Variants in TRAPPC9 observed in about 807,000 individuals in gnomAD.
The protein encoded by TRAPPC9 is trafficking protein particle complex subunit 9.
In TRAPPC9, 83 loss-of-function variants were observed where a neutral mutation model predicts 124.0. The observed-to-expected ratio is 0.67, with a 90% CI of 0.56 to 0.80. The LOEUF is 0.80. Ranked by LOEUF, TRAPPC9 falls within the 30% of genes least tolerant of loss-of-function variation. TRAPPC9 has a pLI of 0.00. For missense variants in TRAPPC9, 1,302 were observed against 1,508.3 expected (o/e 0.86, Z 2.27); for synonymous variants, 638 against 617.5 (o/e 1.03, Z -0.49).
At chr8:139,774,676 C>G (rs527655945) in intron 21 of TRAPPC9, among the ~76,000 whole-genome samples, 1 of 152,320 alleles carries the variant, frequency 6.6e-6, no homozygotes, top group South Asian at 2.1e-4. Context: ...CAACATTTCC[C>G]GGAGGAACGA....
chr8:139,946,537 G>A (rs1489373946), intron 19 of TRAPPC9, among the ~76,000 whole-genome samples: 1 of 152,156 alleles, frequency 6.6e-6, no homozygotes, highest in Non-Finnish European at 1.5e-5. Context: ...AATGCTTATA[G>A]AGGAAAAGAA....
intron 19 of TRAPPC9, among the ~76,000 whole-genome samples, chr8:139,982,949 C>T (rs1837009341): frequency 1.3e-5 from 2 of 152,200 alleles, no homozygotes; most frequent in Non-Finnish European, 2.9e-5. Context: ...TGGCCCTGGC[C>T]ACCTCCTGCT....
intron 17 of TRAPPC9, among the ~76,000 whole-genome samples, chr8:140,071,731 T>C (rs1448518155): frequency 6.6e-6 from 1 of 152,142 alleles, no homozygotes; most frequent in East Asian, 1.9e-4. Context: ...TTTCTCTCAA[T>C]GGGCCTCTCT....
intron 1 of TRAPPC9, among the ~76,000 whole-genome samples, chr8:140,456,363 G>A (rs185275843): frequency 6.7e-6 from 1 of 149,484 alleles, no homozygotes; most frequent in Non-Finnish European, 1.5e-5. Context: ...AGTGAGCCAA[G>A]ATCGTGCCAT....
rs149340551 is a variant in TRAPPC9, at chr8:140,311,707, A to AC, written c.1496-334dup. Among the ~76,000 whole-genome samples, 1,013 of 152,308 alleles carry AC rather than the reference A, an allele frequency of 6.7e-3. 2 individuals carry two copies. The highest frequency in any genetic ancestry group is 0.012 in the Non-Finnish European group (783 of 68,024). On this transcript the variant is annotated intron_variant, in intron 9 of 22. Transcript: ENST00000438773. The stretch of plus-strand genomic sequence containing the variant: ...GAGAATCAGTATATTTTATAACTTA[A>AC]CCATACTTTTTCAGCAATTACTAGG...
chr8:140,003,953 T>C (rs551684793), intron 18 of TRAPPC9, among the ~76,000 whole-genome samples: 92 of 152,342 alleles, frequency 6.0e-4, no homozygotes, highest in African/African-American at 2.2e-3. Flanking sequence ...CTAAATGTCC[T>C]TTAAACAGTG....
chr8:139,892,289 C>T (rs894734410), intron 20 of TRAPPC9, among the ~76,000 whole-genome samples: 2 of 152,176 alleles, frequency 1.3e-5, no homozygotes, highest in Non-Finnish European at 2.9e-5. Context: ...CATACCAGGC[C>T]CCTCCTAGGA....
At chr8:140,148,356 C>T (rs767980909) in intron 17 of TRAPPC9, among the ~76,000 whole-genome samples, 42 of 152,224 alleles carry the variant, frequency 2.8e-4, no homozygotes, top group Non-Finnish European at 3.8e-4. Context: ...ATTCTAGACT[C>T]GGCTTAGTTA....
intron 17 of TRAPPC9, among the ~76,000 whole-genome samples, chr8:140,169,216 G>T (rs2061912331): frequency 1.3e-5 from 2 of 152,152 alleles, no homozygotes; most frequent in South Asian, 4.2e-4. Flanking sequence ...GTTATTGAGT[G>T]CAAATCAAAA....
chr8:139,751,728 A>G (rs1819319599), intron 21 of TRAPPC9, among the ~76,000 whole-genome samples: 3 of 151,912 alleles, frequency 2.0e-5, no homozygotes, highest in Admixed American at 2.0e-4. Context: ...CCATCCATCC[A>G]GCATCCATCC....
intron 17 of TRAPPC9, among the ~76,000 whole-genome samples, chr8:140,078,299 G>A (rs980780017): frequency 1.3e-5 from 2 of 152,222 alleles, no homozygotes; most frequent in Non-Finnish European, 2.9e-5. Context: ...CAGTGCCATG[G>A]GAAGACACTG....
chr8:140,168,814 G>T (rs1243792259), intron 17 of TRAPPC9, among the ~76,000 whole-genome samples: 1 of 152,164 alleles, frequency 6.6e-6, no homozygotes, highest in African/African-American at 2.4e-5. Flanking sequence ...TCCCCAAAAT[G>T]ATTTTTCTCC....
chr8:140,377,838 T>C (rs1467125053), intron 7 of TRAPPC9, among the ~76,000 whole-genome samples: 1 of 152,052 alleles, frequency 6.6e-6, no homozygotes, highest in Non-Finnish European at 1.5e-5. Flanking sequence ...TGCACACCTG[T>C]AATCCCAGCT....
intron 21 of TRAPPC9, among the ~76,000 whole-genome samples, chr8:139,795,975 G>C (rs1290547929): frequency 6.6e-6 from 1 of 151,758 alleles, no homozygotes; most frequent in Non-Finnish European, 1.5e-5. Context: ...TCGCACCCTT[G>C]GTAAGAGCAT....
chr8:140,314,583 C>T (rs2066395458), intron 9 of TRAPPC9, among the ~76,000 whole-genome samples: 2 of 152,146 alleles, frequency 1.3e-5, no homozygotes, highest in South Asian at 4.1e-4. Flanking sequence ...ACTGTCCATC[C>T]TCTCCCCATC....
intron 21 of TRAPPC9, among the ~76,000 whole-genome samples, chr8:139,878,497 TG>T (rs11316407): frequency 0.73 from 111,140 of 152,104 alleles, 40,853 homozygotes; most frequent in East Asian, 1. Flanking sequence ...TATTTGAACC[TG>T]GGGGCTGTTC....
intron 19 of TRAPPC9, among the ~76,000 whole-genome samples, chr8:139,924,550 C>A (rs1832694104): frequency 6.6e-6 from 1 of 152,232 alleles, no homozygotes; most frequent in Non-Finnish European, 1.5e-5. Context: ...GGCCCTGGCA[C>A]AATCCTATTC....
intron 21 of TRAPPC9, among the ~76,000 whole-genome samples, chr8:139,806,627 C>T (rs1824080414): frequency 6.6e-6 from 1 of 152,204 alleles, no homozygotes; most frequent in African/African-American, 2.4e-5. Context: ...CCTCCTGAAC[C>T]CCCATCCTGA....
At chr8:140,366,668 T>C (rs2068117428) in intron 8 of TRAPPC9, among the ~76,000 whole-genome samples, 1 of 152,206 alleles carries the variant, frequency 6.6e-6, no homozygotes, top group East Asian at 1.9e-4. Context: ...GGTATACTAA[T>C]GTTATATCTT....
Sources: allele counts gnomAD v4.1 joint callset (sites outside exome capture counted in the v4.1 genomes callset), GRCh38; gene constraint gnomAD v4.1.1; transcripts MANE v1.5; gene names NCBI Gene and HGNC (gene_info 2026-07-23, HGNC 2026-07-21).